Variants in SCN9A observed in about 807,000 individuals in gnomAD.
SCN9A encodes the protein sodium voltage-gated channel alpha subunit 9.
Under a neutral mutation model 187.0 loss-of-function variants are expected in SCN9A, and 131 were observed. The observed-to-expected ratio is 0.70, with a 90% CI of 0.61 to 0.81. SCN9A has a LOEUF of 0.81. Ranked by LOEUF, SCN9A falls within the 30% of genes least tolerant of loss-of-function variation. The pLI is 0.00. For missense variants in SCN9A, 2,252 were observed against 2,396.6 expected (o/e 0.94, Z 1.26); for synonymous variants, 809 against 808.6 (o/e 1.00, Z -0.01).
At chr2:166,233,564 T>C (rs1256870562) in intron 20 of SCN9A, 102 bp from the exon 21 acceptor site, 4 of 836,134 alleles carry the variant, frequency 4.8e-6, no homozygotes, top group Non-Finnish European at 3.6e-6. Context: ...ACAGGAACAA[T>C]AAGATGGTAT....
rs112288305 is a variant in SCN9A at position 166,204,481 on chromosome 2, A to T, written c.4399-17T>A. ...ACCTCCAAGGTAAAGAAACAAACAA[A>T]AAATAAATGTAGTTAAAACCAGAAT... On this transcript the variant is annotated splice_polypyrimidine_tract_variant and intron_variant, in intron 24 of 26. Transcript: ENST00000642356. 4.7e-6 allele frequency: 4 copies of T among 855,210 alleles called. No individual in the cohort carries two copies. Among genetic ancestry groups the T allele is most frequent in the East Asian group, 2.8e-5 (1 of 35,206 alleles). The allele number at this position is 855,210 out of a possible 1,614,324, so 53.0% of individuals were successfully genotyped here.
intron 1 of SCN9A, among the ~76,000 whole-genome samples, chr2:166,313,350 A>G (rs1025162570): frequency 6.6e-6 from 1 of 152,108 alleles, no homozygotes; most frequent in African/African-American, 2.4e-5. Flanking sequence ...AGGCTGTTAG[A>G]CCTTCATTGC....
intron 3 of SCN9A, 109 bp downstream of exon 3, chr2:166,306,847 T>G: frequency 6.0e-6 from 4 of 671,432 alleles, no homozygotes; most frequent in Non-Finnish European, 1.0e-5. Context: ...ATTAATAAAC[T>G]AAAACCAGAG....
chr2:166,207,987 A>C (rs1222485561), intron 24 of SCN9A, among the ~76,000 whole-genome samples: 1 of 152,202 alleles, frequency 6.6e-6, no homozygotes, highest in Non-Finnish European at 1.5e-5. Flanking sequence ...AAAGTAATAG[A>C]TTTTGTTTTC....
At position 166,293,267 on chromosome 2, in the gene SCN9A, T is replaced by C. The variant is rs754822233; in HGVS notation, c.1071A>G (p.Leu357=). ...GGTTTTCCCAGTAATCTTGGGTCATTAGCCTAAACAAGGCTAAGAAGGCCC... is the reference window on the plus strand; with the variant it reads ...GGTTTTCCCAGTAATCTTGGGTCATCAGCCTAAACAAGGCTAAGAAGGCCC... ...FSWAFLALFR[L]MTQDYWENLY... The change falls in exon 9 of 27, where the codon CTA becomes CTG. Residue 357 remains leucine, a synonymous_variant. Coordinates refer to ENST00000642356, the MANE Select transcript of SCN9A (RefSeq NM_001365536.1). 1 of 1,592,806 alleles carries C rather than the reference T, an allele frequency of 6.3e-7. No homozygotes were observed. The highest frequency in any genetic ancestry group is 8.6e-7 in the Non-Finnish European group (1 of 1,168,206).
chr2:166,210,206 G>GA (rs1037659992), intron 24 of SCN9A, among the ~76,000 whole-genome samples: 2 of 151,758 alleles, frequency 1.3e-5, no homozygotes, highest in African/African-American at 2.4e-5. Context: ...CTATCGCAAG[G>GA]AAAAAAACCA....
rs1558965551 is a variant in SCN9A at position 166,228,646 on chromosome 2, C to T, written c.4206+45G>A. On this transcript the variant is annotated intron_variant, in intron 22 of 26. Transcript: ENST00000642356. ...TAAAGAATAACTTATATCCTTCGTC[C>T]AATATCTATTAAAATACCAAGCACT... The T allele has an allele frequency of 3.5e-6, 5 of 1,445,260 alleles. No homozygotes were observed. In the East Asian group the frequency reaches 1.1e-4, roughly 33 times the overall value. 89.5% of individuals were successfully genotyped at this position (1,445,260 alleles called of 1,614,324 possible).
intron 1 of SCN9A, among the ~76,000 whole-genome samples, chr2:166,337,047 A>G (rs764653324): frequency 6.6e-6 from 1 of 152,136 alleles, no homozygotes; most frequent in Non-Finnish European, 1.5e-5. Flanking sequence ...CATAGTCTAG[A>G]GGGTAAATTT....
At chr2:166,285,941 T>C (rs1214055255) in intron 11 of SCN9A, among the ~76,000 whole-genome samples, 5 of 152,192 alleles carry the variant, frequency 3.3e-5, no homozygotes, top group Admixed American at 6.5e-5. Context: ...CTATTACCTA[T>C]ACTGTTTAAG....
intron 24 of SCN9A, among the ~76,000 whole-genome samples, chr2:166,222,972 A>AAAAAAAAAAAAAAAAAAAAAC (rs1694683935): frequency 7.5e-6 from 1 of 133,344 alleles, no homozygotes; most frequent in African/African-American, 2.8e-5. Flanking sequence ...AAAAAAAAAA[A>AAAAAAAAAAAAAAAAAAAAAC]CAGCAACAAA....
chr2:166,291,921 T>C (rs1462689525), intron 9 of SCN9A, among the ~76,000 whole-genome samples: 1 of 152,056 alleles, frequency 6.6e-6, no homozygotes, highest in Non-Finnish European at 1.5e-5. Context: ...AAAAATTAAC[T>C]CAAGATGGAT....
chr2:166,344,662 A>C (rs1342928198), intron 1 of SCN9A, among the ~76,000 whole-genome samples: 1 of 152,150 alleles, frequency 6.6e-6, no homozygotes, highest in Non-Finnish European at 1.5e-5. Flanking sequence ...CACAACAAAT[A>C]ATCTAATTTG....
At chr2:166,262,742 T>C (rs1247880897) in intron 17 of SCN9A, among the ~76,000 whole-genome samples, 1 of 152,004 alleles carries the variant, frequency 6.6e-6, no homozygotes, top group Non-Finnish European at 1.5e-5. Flanking sequence ...TCTGCAAATA[T>C]AGATGCATTA....
At chr2:166,316,748 A>C (rs1052068126) in intron 1 of SCN9A, among the ~76,000 whole-genome samples, 2 of 152,222 alleles carry the variant, frequency 1.3e-5, no homozygotes, top group African/African-American at 2.4e-5. Context: ...AATATCTATC[A>C]AAAGCCTTAA....
At chr2:166,336,592 T>C (rs907181399) in intron 1 of SCN9A, among the ~76,000 whole-genome samples, 2 of 152,108 alleles carry the variant, frequency 1.3e-5, no homozygotes, top group Non-Finnish European at 2.9e-5. Context: ...GCTTTTTCCA[T>C]TTAACAATGC....
At chr2:166,243,176 T>TATGTCTCTGGTGTTTTTGTTA in intron 18 of SCN9A, among the ~76,000 whole-genome samples, 1 of 152,098 alleles carries the variant, frequency 6.6e-6, no homozygotes, top group Admixed American at 6.6e-5. Flanking sequence ...ATGAAACTGT[T>TATGTCTCTGGTGTTTTTGTTA]TCAAGTATTC....
intron 14 of SCN9A, 27 bp downstream of exon 14, chr2:166,280,330 G>A: frequency 8.0e-7 from 1 of 1,244,684 alleles, no homozygotes; most frequent in Non-Finnish European, 1.1e-6. Flanking sequence ...GAAACTATGA[G>A]TACATAACAC....
At chr2:166,243,698 G>T (rs1343143506) in intron 18 of SCN9A, among the ~76,000 whole-genome samples, 3 of 151,904 alleles carry the variant, frequency 2.0e-5, no homozygotes, top group African/African-American at 4.8e-5. Context: ...AGAAAAATTG[G>T]TCAGATTATG....
chr2:166,246,352 A>G (rs1165304724), intron 18 of SCN9A, among the ~76,000 whole-genome samples: 3 of 152,054 alleles, frequency 2.0e-5, no homozygotes, highest in Non-Finnish European at 2.9e-5. Context: ...AAATCTACAC[A>G]TAGCTTCATT....
Sources: gnomAD v4.1 joint callset for allele counts (sites outside exome capture counted in the v4.1 genomes callset) on GRCh38, gnomAD v4.1.1 for gene constraint, MANE v1.5 for transcripts, NCBI Gene and HGNC (gene_info 2026-07-23, HGNC 2026-07-21) for gene names.